DLGAP1: variants seen among roughly 807,000 people sequenced by gnomAD.
DLGAP1 encodes the protein DLG associated protein 1.
A neutral mutation model predicts 90.8 loss-of-function variants in DLGAP1; 11 were observed. That is an observed-to-expected ratio of 0.12 (90% CI 0.08 to 0.20). The LOEUF is 0.20. Among genes scored for constraint, DLGAP1 ranks in the 10% least tolerant of loss-of-function variants. The pLI is 1.00. For synonymous variants in DLGAP1, 558 were observed against 540.7 expected, an observed-to-expected ratio of 1.03 and a Z score of -0.44; for missense variants, 1,050 against 1,333.8, an observed-to-expected ratio of 0.79 and a Z score of 3.31.
intron 7 of DLGAP1, among the ~76,000 whole-genome samples, chr18:3,686,289 T>C (rs1463103766): frequency 6.6e-6 from 1 of 152,152 alleles, no homozygotes; most frequent in Non-Finnish European, 1.5e-5. Flanking sequence ...TTTGATCAAG[T>C]ATGACACCCT....
intron 2 of DLGAP1, among the ~76,000 whole-genome samples, chr18:4,136,331 A>G (rs1198035436): frequency 1.3e-5 from 2 of 152,150 alleles, no homozygotes; most frequent in African/African-American, 4.8e-5. Flanking sequence ...ACTGTTCTCC[A>G]CAGTGGTTGT....
At chr18:3,726,084 T>G (rs1240794766) in intron 7 of DLGAP1, among the ~76,000 whole-genome samples, 1 of 152,148 alleles carries the variant, frequency 6.6e-6, no homozygotes, top group Non-Finnish European at 1.5e-5. Context: ...GTTGACAAAA[T>G]GAGGAATTTT....
chr18:4,099,773 G>C (rs556277004), intron 2 of DLGAP1, among the ~76,000 whole-genome samples: 1 of 151,100 alleles, frequency 6.6e-6, no homozygotes, highest in South Asian at 2.1e-4. Flanking sequence ...GTGCAATCAT[G>C]GCTCACTGCA....
intron 9 of DLGAP1, among the ~76,000 whole-genome samples, chr18:3,547,985 G>A (rs2053157194): frequency 6.6e-6 from 1 of 152,056 alleles, no homozygotes; most frequent in African/African-American, 2.4e-5. Context: ...AATGAAGGAG[G>A]CTACACACAA....
At chr18:4,193,926 T>C (rs2077446401) in intron 1 of DLGAP1, among the ~76,000 whole-genome samples, 1 of 152,184 alleles carries the variant, frequency 6.6e-6, no homozygotes, top group African/African-American at 2.4e-5. Flanking sequence ...ATAACAGAGA[T>C]GAAGAAATTA....
At chr18:4,048,081 A>T (rs2075081833) in intron 2 of DLGAP1, among the ~76,000 whole-genome samples, 1 of 152,200 alleles carries the variant, frequency 6.6e-6, no homozygotes, top group East Asian at 1.9e-4. Flanking sequence ...TGCAGGCATG[A>T]TCCACAGCAT....
intron 1 of DLGAP1, among the ~76,000 whole-genome samples, chr18:4,184,925 A>G (rs1335856733): frequency 3.9e-5 from 6 of 152,022 alleles, no homozygotes; most frequent in Admixed American, 3.3e-4. Context: ...TCTTCTTCCA[A>G]CTACTCCCTG....
At chr18:4,442,921 G>A (rs141561826) in intron 1 of DLGAP1, among the ~76,000 whole-genome samples, 26 of 152,322 alleles carry the variant, frequency 1.7e-4, no homozygotes, top group Middle Eastern at 6.8e-3. Context: ...TGAACTCAAA[G>A]CACCTAGAAT....
In DLGAP1 at chr18:3,763,819, GC is replaced by G. The variant is rs575080094; in HGVS notation, c.1173-21308del. On this transcript the variant is annotated intron_variant, in intron 5 of 12. Coordinates refer to ENST00000315677, the MANE Select transcript of DLGAP1 (RefSeq NM_004746.4). ...TCGGATTACAGGCATGCACCACCAT[GC>G]CTGGCTAATTTTTTTATATTTAGTA... Among the ~76,000 whole-genome samples, 1,102 of 152,022 alleles carry G rather than the reference GC, an allele frequency of 7.2e-3. 6 individuals are homozygous for G. Among genetic ancestry groups the G allele is most frequent in the Non-Finnish European group, 0.012 (790 of 67,968 alleles).
At chr18:3,981,146 C>T (rs530399494) in intron 3 of DLGAP1, among the ~76,000 whole-genome samples, 1 of 152,340 alleles carries the variant, frequency 6.6e-6, no homozygotes, top group South Asian at 2.1e-4. Flanking sequence ...CCTGTATTTT[C>T]ATACGGGCAG....
At chr18:4,176,134 G>A (rs193118429) in intron 1 of DLGAP1, among the ~76,000 whole-genome samples, 2 of 152,226 alleles carry the variant, frequency 1.3e-5, no homozygotes, top group Admixed American at 1.3e-4. Context: ...CCTTGGAGAG[G>A]TCCTTCACAT....
At chr18:4,133,043 T>A (rs1193633404) in intron 2 of DLGAP1, among the ~76,000 whole-genome samples, 4 of 152,178 alleles carry the variant, frequency 2.6e-5, no homozygotes, top group Non-Finnish European at 5.9e-5. Context: ...TAGAACTGTT[T>A]CAGCAAGATT....
At chr18:4,205,204 C>T (rs777613901) in intron 1 of DLGAP1, among the ~76,000 whole-genome samples, 1 of 151,988 alleles carries the variant, frequency 6.6e-6, no homozygotes, top group South Asian at 2.1e-4. Flanking sequence ...TAGATGTTCT[C>T]GGGAGGTTAA....
At chr18:4,393,785 G>C (rs564763079) in intron 1 of DLGAP1, among the ~76,000 whole-genome samples, 44 of 152,134 alleles carry the variant, frequency 2.9e-4, no homozygotes, top group Non-Finnish European at 5.0e-4. Context: ...GGCAGGGGTG[G>C]TTCTGGGATG....
intron 3 of DLGAP1, among the ~76,000 whole-genome samples, chr18:4,002,404 C>T (rs2074209595): frequency 6.6e-6 from 1 of 152,184 alleles, no homozygotes; most frequent in African/African-American, 2.4e-5. Flanking sequence ...CGGCTGCTGC[C>T]ACCCCGAGAC....
At chr18:3,982,023 A>G (rs1180177328) in intron 3 of DLGAP1, among the ~76,000 whole-genome samples, 1 of 152,210 alleles carries the variant, frequency 6.6e-6, no homozygotes, top group Non-Finnish European at 1.5e-5. Flanking sequence ...ATTTTCTAAT[A>G]AAAAATAATG....
intron 3 of DLGAP1, among the ~76,000 whole-genome samples, chr18:3,966,889 G>A (rs2073343405): frequency 6.6e-6 from 1 of 152,110 alleles, no homozygotes; most frequent in South Asian, 2.1e-4. Flanking sequence ...GACTAAATGA[G>A]ATCATCTAGG....
At chr18:3,698,048 C>A (rs540268103) in intron 7 of DLGAP1, among the ~76,000 whole-genome samples, 1 of 152,148 alleles carries the variant, frequency 6.6e-6, no homozygotes, top group African/African-American at 2.4e-5. Context: ...GTAAATATTC[C>A]TCCATCCCTT....
Position 3,508,668 on chromosome 18 carries a change from A to G in DLGAP1, c.2480-7T>C. 1 of 1,610,036 alleles carries G rather than the reference A, an allele frequency of 6.2e-7. No individual in the cohort carries two copies. Among genetic ancestry groups the G allele is most frequent in the Non-Finnish European group, 8.5e-7 (1 of 1,177,138 alleles). On this transcript the variant is annotated splice_polypyrimidine_tract_variant and splice_region_variant and intron_variant, in intron 10 of 12. Transcript: ENST00000315677. ...GTTCGGATTTTTCCTAGAACTGGAA[A>G]GAGCAAACATACGAGAAATTTACAC...
Sources: gnomAD v4.1 joint callset for allele counts (sites outside exome capture counted in the v4.1 genomes callset) on GRCh38, gnomAD v4.1.1 for gene constraint, MANE v1.5 for transcripts, NCBI Gene and HGNC (gene_info 2026-07-23, HGNC 2026-07-21) for gene names.